The following GPC5 variants were observed in gnomAD, a reference collection of about 807,000 sequenced individuals.
The protein encoded by GPC5 is glypican 5.
In GPC5, 47 loss-of-function variants were observed where a neutral mutation model predicts 53.9. The observed-to-expected ratio is 0.87, with a 90% CI of 0.69 to 1.11. The LOEUF is 1.11. GPC5 is among the 50% of genes most tolerant of loss of function. The probability of loss-of-function intolerance (pLI) is 0.00; values close to 1 mark genes in which losing one functional copy is unlikely to be tolerated. For missense variants in GPC5, 748 were observed against 713.1 expected (o/e 1.05, Z -0.56); for synonymous variants, 286 against 263.3 (o/e 1.09, Z -0.84).
At chr13:92,237,225 G>T (rs1287256758) in intron 7 of GPC5, among the ~76,000 whole-genome samples, 1 of 151,990 alleles carries the variant, frequency 6.6e-6, no homozygotes, top group Non-Finnish European at 1.5e-5. Flanking sequence ...TTATTATTAT[G>T]ATTATTGTTT....
rs921375158 is a variant in GPC5, at chr13:91,442,997, T to C, written c.164-5764T>C. Among the ~76,000 whole-genome samples, 11 of 152,210 alleles carry C rather than the reference T, an allele frequency of 7.2e-5. No homozygotes were observed. In the South Asian group the frequency reaches 2.1e-3, roughly 29 times the overall value. ...TTTACTATTTTCCAAATTAATATAA[T>C]CTTCCCTCATCATCCTGTAAAGCTG... On this transcript the variant is annotated intron_variant, in intron 1 of 7. Transcript: ENST00000377067.
At chr13:91,516,144 G>A (rs371917522) in intron 2 of GPC5, among the ~76,000 whole-genome samples, 4 of 151,866 alleles carry the variant, frequency 2.6e-5, no homozygotes, top group East Asian at 1.9e-4. Flanking sequence ...CACCCCTGGC[G>A]GAACCAATTA....
chr13:92,861,230 A>G (rs984458967), intron 7 of GPC5, among the ~76,000 whole-genome samples: 2 of 152,198 alleles, frequency 1.3e-5, no homozygotes, highest in Admixed American at 1.3e-4. Context: ...TTCATTAACA[A>G]TGCACAGATT....
intron 7 of GPC5, among the ~76,000 whole-genome samples, chr13:92,382,489 C>A (rs960934981): frequency 6.6e-6 from 1 of 152,052 alleles, no homozygotes; most frequent in Non-Finnish European, 1.5e-5. Context: ...ACTTTAATTG[C>A]CCTGTTACTG....
intron 6 of GPC5, among the ~76,000 whole-genome samples, chr13:92,051,915 T>G (rs183344612): frequency 5.3e-5 from 8 of 152,294 alleles, no homozygotes; most frequent in Non-Finnish European, 1.0e-4. Context: ...AGTCCCTAGT[T>G]TTTATTTGAG....
intron 7 of GPC5, among the ~76,000 whole-genome samples, chr13:92,440,317 A>T (rs544259663): frequency 4.6e-5 from 7 of 152,124 alleles, no homozygotes; most frequent in African/African-American, 1.7e-4. Flanking sequence ...TAAGGGCCCA[A>T]TGTTTAGCTC....
intron 2 of GPC5, among the ~76,000 whole-genome samples, chr13:91,493,089 T>G (rs6492547): frequency 0.55 from 82,857 of 151,906 alleles, 23,228 homozygotes; most frequent in African/African-American, 0.69. Flanking sequence ...CATCATCCTC[T>G]TCTTTTGCTT....
chr13:91,712,061 A>AAAT (rs1196478160), intron 3 of GPC5, among the ~76,000 whole-genome samples: 11 of 152,238 alleles, frequency 7.2e-5, no homozygotes, highest in African/African-American at 2.7e-4. Context: ...AGCAATGTGA[A>AAAT]AATAGGACTA....
intron 7 of GPC5, among the ~76,000 whole-genome samples, chr13:92,600,224 C>T (rs186120078): frequency 6.6e-6 from 1 of 152,078 alleles, no homozygotes; most frequent in African/African-American, 2.4e-5. Context: ...AGCATGTAGT[C>T]CATTTATATT....
chr13:91,563,217 A>C (rs2031363636), intron 2 of GPC5, among the ~76,000 whole-genome samples: 1 of 152,204 alleles, frequency 6.6e-6, no homozygotes, highest in Non-Finnish European at 1.5e-5. Flanking sequence ...GACTATATTT[A>C]GAAAATTCTA....
chr13:91,806,621 A>T (rs2138791954), intron 5 of GPC5, among the ~76,000 whole-genome samples: 1 of 152,326 alleles, frequency 6.6e-6, no homozygotes, highest in African/African-American at 2.4e-5. Context: ...AATTTACAGG[A>T]CAGGAAATAA....
intron 2 of GPC5, among the ~76,000 whole-genome samples, chr13:91,603,783 A>T (rs1035168978): frequency 2.0e-5 from 3 of 152,054 alleles, no homozygotes; most frequent in Admixed American, 2.0e-4. Flanking sequence ...CTCTCTTTCT[A>T]TCTGGATATA....
At chr13:91,764,610 A>G (rs2037484399) in intron 5 of GPC5, among the ~76,000 whole-genome samples, 1 of 152,184 alleles carries the variant, frequency 6.6e-6, no homozygotes, top group Admixed American at 6.5e-5. Flanking sequence ...CTAATAATCA[A>G]ACGTGTGAAA....
chr13:92,334,988 G>T (rs2043312438), intron 7 of GPC5, among the ~76,000 whole-genome samples: 1 of 152,096 alleles, frequency 6.6e-6, no homozygotes, highest in East Asian at 1.9e-4. Flanking sequence ...AGCTGTCAGT[G>T]GAACTACCAT....
intron 7 of GPC5, among the ~76,000 whole-genome samples, chr13:92,636,139 A>G (rs1395767655): frequency 6.6e-6 from 1 of 152,210 alleles, no homozygotes; most frequent in Admixed American, 6.5e-5. Flanking sequence ...ATGATCTCCA[A>G]TCAGTATTCT....
intron 2 of GPC5, among the ~76,000 whole-genome samples, chr13:91,582,219 G>A (rs922697110): frequency 6.6e-6 from 1 of 152,126 alleles, no homozygotes; most frequent in Non-Finnish European, 1.5e-5. Context: ...GAAATAAAGT[G>A]TTTCTCCTTG....
Position 91,907,949 on chromosome 13 carries a change from T to G in GPC5, c.1293T>G (p.Arg431=). The G allele has an allele frequency of 6.3e-7, 1 of 1,595,060 alleles. No individual in the cohort carries two copies. Among genetic ancestry groups the G allele is most frequent in the Non-Finnish European group, 8.5e-7 (1 of 1,178,442 alleles). The change falls in exon 6 of 8, where the codon CGT becomes CGG. Residue 431 remains arginine (R), a synonymous_variant. Coordinates refer to ENST00000377067, the MANE Select transcript of GPC5 (RefSeq NM_004466.6). ...GEDIVKSYTQ[R]VVGNGIKAQS... is the part of the protein sequence containing the mutation. The stretch of plus-strand genomic sequence containing the variant: ...TTTCCCTTGCTAGTTATACTCAGCG[T>G]GTGGTTGGAAATGGAATCAAAGCCC...
chr13:92,848,927 C>T (rs937666704), intron 7 of GPC5, among the ~76,000 whole-genome samples: 5 of 152,018 alleles, frequency 3.3e-5, no homozygotes, highest in East Asian at 2.0e-4. Flanking sequence ...AGATGGAGTG[C>T]AAGCATAGAA....
intron 7 of GPC5, among the ~76,000 whole-genome samples, chr13:92,547,338 GA>G (rs1345329442): frequency 1.3e-5 from 2 of 152,092 alleles, no homozygotes; most frequent in African/African-American, 2.4e-5. Flanking sequence ...TAACTGCAAA[GA>G]AAGACTTTAT....
Sources: gnomAD v4.1 joint callset for allele counts (sites outside exome capture counted in the v4.1 genomes callset) on GRCh38, gnomAD v4.1.1 for gene constraint, MANE v1.5 for transcripts, NCBI Gene and HGNC (gene_info 2026-07-23, HGNC 2026-07-21) for gene names.